Variants in UGGT2 observed in about 807,000 individuals in gnomAD.
The protein encoded by UGGT2 is UDP-glucose:glycoprotein glucosyltransferase 2.
UGGT2 carries 180 observed loss-of-function variants against 192.1 expected under a neutral mutation model. The observed-to-expected ratio is 0.94, with a 90% CI of 0.83 to 1.06. UGGT2 has a LOEUF of 1.06. Ranked by LOEUF, UGGT2 falls within the 50% of genes least tolerant of loss-of-function variation. UGGT2 has a pLI of 0.00. For synonymous variants in UGGT2, 580 were observed against 591.0 expected (o/e 0.98, Z 0.27); for missense variants, 1,849 against 1,795.7 (o/e 1.03, Z -0.54).
At chr13:96,003,122 C>T (rs1209324681) in intron 5 of UGGT2, among the ~76,000 whole-genome samples, 2 of 152,084 alleles carry the variant, frequency 1.3e-5, no homozygotes, top group African/African-American at 4.8e-5. Flanking sequence ...TGTCTATTGT[C>T]CCTTGCTGCC....
rs762109789 is a variant in UGGT2 at position 96,053,211 on chromosome 13, C to A, written c.102G>T (p.Ser34=). Residue 34 remains serine (S), a synonymous_variant, in exon 1 of 39, where the codon TCG becomes TCT. Coordinates refer to ENST00000376747, the MANE Select transcript of UGGT2 (RefSeq NM_020121.4). ...LGSGTVAASK[S]VTAHLAAKWP... ...ACTTCGCGGCCAAGTGGGCAGTCACCGACTTGGACGCGGCGACCGTCCCGG... is the reference window on the plus strand; with the variant it reads ...ACTTCGCGGCCAAGTGGGCAGTCACAGACTTGGACGCGGCGACCGTCCCGG... 4 of 1,534,306 alleles carry A rather than the reference C, an allele frequency of 2.6e-6. No individual in the cohort carries two copies. The African/African-American group carries it at 4.2e-5, about 16-fold the overall frequency.
chr13:95,930,022 T>A (rs961227277), intron 17 of UGGT2, among the ~76,000 whole-genome samples: 2 of 152,242 alleles, frequency 1.3e-5, no homozygotes, highest in African/African-American at 4.8e-5. Context: ...TTTGCACTTC[T>A]CTAAGGATTA....
chr13:95,860,379 TC>T, intron 32 of UGGT2, among the ~76,000 whole-genome samples: 1 of 148,980 alleles, frequency 6.7e-6, no homozygotes, highest in Non-Finnish European at 1.5e-5. Context: ...ATATATATAT[TC>T]TTACCTATCC....
intron 1 of UGGT2, among the ~76,000 whole-genome samples, chr13:96,052,919 T>C (rs1481650131): frequency 6.6e-6 from 1 of 152,144 alleles, no homozygotes; most frequent in Non-Finnish European, 1.5e-5. Flanking sequence ...AGGGAAGCTT[T>C]AAAAATCGTA....
chr13:96,038,999 G>T (rs2053087407), intron 1 of UGGT2, among the ~76,000 whole-genome samples: 2 of 152,166 alleles, frequency 1.3e-5, no homozygotes, highest in African/African-American at 4.8e-5. Context: ...GCAATGGAGA[G>T]ACAGGCATAG....
chr13:95,871,123 C>G (rs1235767776), intron 29 of UGGT2, among the ~76,000 whole-genome samples: 1 of 152,070 alleles, frequency 6.6e-6, no homozygotes, highest in Admixed American at 6.5e-5. Context: ...AAACTGTGAT[C>G]AATAGTGAAT....
chr13:95,895,064 A>G (rs2047908197), intron 23 of UGGT2, 116 bp downstream of exon 23: 10 of 1,039,766 alleles, frequency 9.6e-6, no homozygotes, highest in Non-Finnish European at 1.3e-5. Flanking sequence ...TTCTTTATAT[A>G]TGTCTTTTAT....
At chr13:95,864,724 TA>T (rs1890488939) in intron 30 of UGGT2, among the ~76,000 whole-genome samples, 1 of 152,234 alleles carries the variant, frequency 6.6e-6, no homozygotes, top group South Asian at 2.1e-4. Context: ...ACATTTTTCT[TA>T]AAGTTCAACA....
chr13:95,871,108 T>C (rs1891179376), intron 29 of UGGT2, among the ~76,000 whole-genome samples: 1 of 152,156 alleles, frequency 6.6e-6, no homozygotes, highest in Admixed American at 6.5e-5. Flanking sequence ...TTAAAAGACA[T>C]ATAAAAACTG....
At chr13:96,026,951 G>A (rs1266233097) in intron 2 of UGGT2, among the ~76,000 whole-genome samples, 1 of 152,180 alleles carries the variant, frequency 6.6e-6, no homozygotes, top group Admixed American at 6.5e-5. Flanking sequence ...GATTACAGGC[G>A]TGAGCCACCG....
intron 1 of UGGT2, among the ~76,000 whole-genome samples, chr13:96,037,789 T>TA (rs2053048180): frequency 6.6e-6 from 1 of 152,228 alleles, no homozygotes; most frequent in Non-Finnish European, 1.5e-5. Flanking sequence ...CTTCCACACT[T>TA]ACTCTTCTCA....
chr13:96,018,145 C>T (rs1022412771), intron 4 of UGGT2, among the ~76,000 whole-genome samples: 3 of 152,182 alleles, frequency 2.0e-5, no homozygotes, highest in African/African-American at 7.2e-5. Context: ...GATTCTTCAT[C>T]TCTCCCTATT....
chr13:95,935,718 T>C (rs186507288), intron 17 of UGGT2, among the ~76,000 whole-genome samples: 1 of 152,356 alleles, frequency 6.6e-6, no homozygotes, highest in East Asian at 1.9e-4. Flanking sequence ...TTCCCTCAAA[T>C]ATGTTTTCCT....
At position 95,863,089 on chromosome 13, in the gene UGGT2, C is replaced by G. The variant is rs368751269; in HGVS notation, c.3644+540G>C. 2.6e-5 allele frequency among the ~76,000 whole-genome samples: 4 copies of G among 152,210 alleles called. No homozygotes were observed. In the East Asian group the frequency reaches 7.7e-4, roughly 29 times the overall value. The stretch of plus-strand genomic sequence containing the variant: ...TGTTGCCCAGGCTAGTTTTGAACTC[C>G]TGGGCTCAAGCAATCCTCCTGCCAT... On this transcript the variant is annotated intron_variant, in intron 31 of 38. Transcript: ENST00000376747.
intron 17 of UGGT2, among the ~76,000 whole-genome samples, chr13:95,932,924 G>A (rs1052967628): frequency 1.3e-5 from 2 of 152,168 alleles, no homozygotes. Context: ...CCTTTCTCAG[G>A]AGTGAAGCCT....
chr13:96,009,178 TA>T (rs952250517), intron 5 of UGGT2, among the ~76,000 whole-genome samples: 6 of 152,100 alleles, frequency 3.9e-5, no homozygotes, highest in African/African-American at 1.4e-4. Context: ...TTATGCCATA[TA>T]AAAAATCAAC....
intron 3 of UGGT2, 149 bp downstream of exon 3, chr13:96,023,480 G>A (rs1268239348): frequency 4.1e-6 from 3 of 733,848 alleles, no homozygotes; most frequent in East Asian, 6.8e-5. Flanking sequence ...TATAATAAAT[G>A]ACAACAATAA....
At chr13:95,823,216 T>C (rs925471548) in intron 38 of UGGT2, among the ~76,000 whole-genome samples, 2 of 152,074 alleles carry the variant, frequency 1.3e-5, no homozygotes, top group Non-Finnish European at 2.9e-5. Context: ...TGTTGGAGAA[T>C]GTTCCATGTG....
At chr13:96,009,744 G>A (rs1010576435) in intron 5 of UGGT2, among the ~76,000 whole-genome samples, 3 of 152,134 alleles carry the variant, frequency 2.0e-5, no homozygotes, top group African/African-American at 7.2e-5. Flanking sequence ...AGAGGCGGAG[G>A]TTGCAGTGAG....
Sources: gnomAD v4.1 joint callset for allele counts (sites outside exome capture counted in the v4.1 genomes callset) on GRCh38, gnomAD v4.1.1 for gene constraint, MANE v1.5 for transcripts, NCBI Gene and HGNC (gene_info 2026-07-23, HGNC 2026-07-21) for gene names.